The following CDH23 variants were observed in gnomAD, a reference collection of about 807,000 sequenced individuals.
CDH23 encodes the protein cadherin-23.
Under a neutral mutation model 317.1 loss-of-function variants are expected in CDH23, and 189 were observed. The observed-to-expected ratio is 0.60, with a 90% confidence interval of 0.53 to 0.67. The LOEUF is 0.67. CDH23 is among the 30% of genes least tolerant of loss of function. The pLI, the probability that CDH23 is intolerant of heterozygous loss-of-function variation, is 0.00. For synonymous variants in CDH23, 1,839 were observed against 1,876.8 expected (o/e 0.98, Z 0.52); for missense variants, 4,401 against 4,592.4 (o/e 0.96, Z 1.20).
In CDH23 at chr10:71,578,011, CCT is replaced by C; in HGVS notation, c.832+25_832+26del. 3 of 1,573,032 alleles carry C rather than the reference CCT, an allele frequency of 1.9e-6. No individual in the cohort carries two copies. Among genetic ancestry groups the C allele is most frequent in the Non-Finnish European group, 2.6e-6 (3 of 1,158,562 alleles). On this transcript the variant is annotated intron_variant, in intron 9 of 69. Coordinates refer to ENST00000224721, the MANE Select transcript of CDH23 (RefSeq NM_022124.6). ...GTTTCAGGTAAGACAGAAGGCTGCC[CCT>C]CTCTCCTCTCACCCCTCTGTCCTCC...
At chr10:71,774,249 C>A (rs1255322915) in intron 38 of CDH23, among the ~76,000 whole-genome samples, 1 of 136,366 alleles carries the variant, frequency 7.3e-6, no homozygotes, top group African/African-American at 2.7e-5. Context: ...CGCCCTCCCT[C>A]CCTGGTGCCT....
chr10:71,517,536 TC>T (rs1445149021), intron 6 of CDH23, among the ~76,000 whole-genome samples: 1 of 145,542 alleles, frequency 6.9e-6, no homozygotes, highest in Non-Finnish European at 1.5e-5. Context: ...ATAAACTGCA[TC>T]CTCAGGTTGC....
At chr10:71,446,289 G>T (rs772569888) in intron 2 of CDH23, 29 bp from the exon 3 acceptor site, 8 of 1,610,094 alleles carry the variant, frequency 5.0e-6, no homozygotes, top group South Asian at 1.1e-5. Flanking sequence ...GGGGGTACTT[G>T]GCTGACGCTC....
At chr10:71,572,430 G>A (rs1857880107) in intron 8 of CDH23, among the ~76,000 whole-genome samples, 3 of 152,162 alleles carry the variant, frequency 2.0e-5, no homozygotes, top group African/African-American at 7.2e-5. Flanking sequence ...TGAACAACTT[G>A]CCCCACCTCT....
chr10:71,810,147 G>A, intron 61 of CDH23, 71 bp downstream of exon 61: 1 of 1,567,704 alleles, frequency 6.4e-7, no homozygotes, highest in Non-Finnish European at 8.7e-7. Context: ...CACAAGGAGA[G>A]ACAGGGCATT....
intron 29 of CDH23, among the ~76,000 whole-genome samples, chr10:71,724,768 A>C (rs777339099): frequency 1.3e-5 from 2 of 152,206 alleles, no homozygotes; most frequent in Non-Finnish European, 2.9e-5. Flanking sequence ...TCCCTGAACC[A>C]ATCGCTATGG....
At chr10:71,475,293 A>C (rs1425805211) in intron 3 of CDH23, among the ~76,000 whole-genome samples, 1 of 152,302 alleles carries the variant, frequency 6.6e-6, no homozygotes, top group Admixed American at 6.5e-5. Flanking sequence ...GGACCTCCCA[A>C]GTGTGAGCAT....
rs876657761 is a variant in CDH23, at chr10:71,814,959, A to G, written c.9746A>G (p.Gln3249Arg). The change falls in exon 70 of 70, where the codon CAG (glutamine) becomes CGG (arginine). Residue 3249 changes from glutamine to arginine, a missense_variant. This residue lies in a region of CDH23 where 1,144 missense variants were observed against 1,138.2 expected (regional missense o/e 1.01). Transcript: ENST00000224721. ...GGTCCCGGCCTCTTGCAGCTGATAC[A>G]GACTGAGCTGGACGAGGAGCCAGGA... ...SCHSSISELIQTELDEEPGDH... is the reference protein window; with the variant it reads ...SCHSSISELIRTELDEEPGDH... The G allele has an allele frequency of 6.2e-7, 1 of 1,610,676 alleles. No homozygotes were observed. The highest frequency in any genetic ancestry group is 8.5e-7 in the Non-Finnish European group (1 of 1,178,430).
At chr10:71,551,949 G>A (rs978550434) in intron 6 of CDH23, among the ~76,000 whole-genome samples, 1 of 152,160 alleles carries the variant, frequency 6.6e-6, no homozygotes, top group Non-Finnish European at 1.5e-5. Context: ...ACATAGCCGG[G>A]CACCCTCCCC....
chr10:71,547,426 G>A (rs932998227), intron 6 of CDH23, among the ~76,000 whole-genome samples: 4 of 152,252 alleles, frequency 2.6e-5, no homozygotes, highest in East Asian at 3.8e-4. Context: ...CAGTGAAGCC[G>A]AGAAGGGCAA....
intron 3 of CDH23, among the ~76,000 whole-genome samples, chr10:71,509,377 G>T (rs1488602655): frequency 1.3e-5 from 2 of 152,248 alleles, no homozygotes; most frequent in Non-Finnish European, 2.9e-5. Context: ...AGCTCATATA[G>T]CTGAGAAGTC....
At chr10:71,511,554 G>T (rs909298863) in intron 6 of CDH23, among the ~76,000 whole-genome samples, 4 of 151,484 alleles carry the variant, frequency 2.6e-5, no homozygotes, top group Non-Finnish European at 5.9e-5. Context: ...CCTGGGCAGG[G>T]TGGGTGGGCA....
At chr10:71,713,691 C>T (rs1449542247) in intron 28 of CDH23, 1 of 213,860 alleles carries the variant, frequency 4.7e-6, no homozygotes, top group African/African-American at 2.3e-5. Context: ...CTTGTGAGGA[C>T]TTGGAGCATA....
At chr10:71,622,135 G>A (rs1412793299) in intron 11 of CDH23, among the ~76,000 whole-genome samples, 37 of 152,166 alleles carry the variant, frequency 2.4e-4, no homozygotes, top group Non-Finnish European at 1.2e-4. Flanking sequence ...GTGGCTGGGC[G>A]TTTTCTTGTG....
At chr10:71,511,278 T>C in intron 6 of CDH23, 66 bp downstream of exon 6, 1 of 1,392,100 alleles carries the variant, frequency 7.2e-7, no homozygotes, top group Admixed American at 1.7e-5. Flanking sequence ...CACCATGGTG[T>C]AGGTGAAGAG....
intron 29 of CDH23, 145 bp downstream of exon 29, chr10:71,724,250 G>A (rs1866706703): frequency 2.5e-6 from 2 of 796,418 alleles, no homozygotes; most frequent in Non-Finnish European, 4.1e-6. Flanking sequence ...GAGGAAACAG[G>A]GACATTCTCC....
At chr10:71,593,033 GC>G (rs1277450555) in intron 9 of CDH23, among the ~76,000 whole-genome samples, 1 of 152,256 alleles carries the variant, frequency 6.6e-6, no homozygotes, top group East Asian at 1.9e-4. Flanking sequence ...GGAGCTGGCA[GC>G]CTGAGATGCT....
intron 21 of CDH23, 67 bp from the exon 22 acceptor site, chr10:71,695,351 C>A: frequency 8.7e-7 from 1 of 1,147,468 alleles, no homozygotes; most frequent in Non-Finnish European, 1.3e-6. Context: ...GCACTTTTCC[C>A]CTGGCAGGCC....
At chr10:71,776,058 G>A (rs1564787984) in intron 38 of CDH23, among the ~76,000 whole-genome samples, 1 of 152,192 alleles carries the variant, frequency 6.6e-6, no homozygotes, top group Admixed American at 6.5e-5. Context: ...AACTCCCTGA[G>A]CTAGAAACAA....
Sources: gnomAD v4.1 joint callset for allele counts (sites outside exome capture counted in the v4.1 genomes callset) on GRCh38, gnomAD v4.1.1 for gene constraint, gnomAD v4.1.1 regional missense constraint, MANE v1.5 for transcripts, NCBI Gene and HGNC (gene_info 2026-07-23, HGNC 2026-07-21) for gene names.